Variants in FBXO15 observed in about 807,000 individuals in gnomAD.
FBXO15 encodes F-box only protein 15.
In FBXO15, 30 loss-of-function variants were observed where a neutral mutation model predicts 49.5. The observed-to-expected ratio is 0.61, with a 90% CI of 0.45 to 0.82. The LOEUF is 0.82. Among genes scored for constraint, FBXO15 ranks in the 40% least tolerant of loss-of-function variants. The probability of loss-of-function intolerance (pLI) is 0.00; values close to 1 mark genes in which losing one functional copy is unlikely to be tolerated. For synonymous variants in FBXO15, 250 were observed against 232.7 expected (o/e 1.07, Z -0.68); for missense variants, 591 against 631.5 (o/e 0.94, Z 0.69).
chr18:74,082,536 G>A (rs1188989048), intron 8 of FBXO15, among the ~76,000 whole-genome samples: 1 of 152,232 alleles, frequency 6.6e-6, no homozygotes, highest in African/African-American at 2.4e-5. Flanking sequence ...GCTTGTAACT[G>A]AGTGAGAGTC....
chr18:74,081,802 C>G, intron 9 of FBXO15, 125 bp downstream of exon 9: 1 of 721,880 alleles, frequency 1.4e-6, no homozygotes, highest in Non-Finnish European at 2.0e-6. Context: ...GAAACCAGAA[C>G]AATAAATCCA....
chr18:74,129,510 A>T lies in FBXO15; in HGVS notation c.680T>A (p.Ile227Lys), dbSNP rs1014279955. ...LSINDTSVTV[I>K]WYGKKWPCLA... is the part of the protein sequence containing the mutation. ...GCATGGCCATTTTTTGCCATACCATATAACAGTAACTGATGTGTCATTTAT... is the reference window on the plus strand; with the variant it reads ...GCATGGCCATTTTTTGCCATACCATTTAACAGTAACTGATGTGTCATTTAT... Residue 227 changes from isoleucine (I) to lysine (K), a missense_variant, in exon 5 of 10, where the codon ATA becomes AAA. Physicochemically the swap from Ile to Lys is moderately radical, Grantham distance 102 (BLOSUM62 -3). Transcript: ENST00000419743. 1 of 1,613,988 alleles carries T rather than the reference A, an allele frequency of 6.2e-7. No homozygotes were observed. Among genetic ancestry groups the T allele is most frequent in the Non-Finnish European group, 8.5e-7 (1 of 1,179,966 alleles).
chr18:74,096,431 C>A (rs1313418255), intron 8 of FBXO15, among the ~76,000 whole-genome samples: 1 of 151,930 alleles, frequency 6.6e-6, no homozygotes, highest in Admixed American at 6.6e-5. Flanking sequence ...TTAGTTACTA[C>A]AGCCAAGGTG....
chr18:74,130,385 C>A (rs747958710), intron 4 of FBXO15, 31 bp downstream of exon 4: 1 of 1,611,526 alleles, frequency 6.2e-7, no homozygotes, highest in South Asian at 1.1e-5. Context: ...TGAGCTGATG[C>A]CATCATTCTC....
chr18:74,117,815 G>C (rs896242870), intron 8 of FBXO15, among the ~76,000 whole-genome samples: 1 of 152,118 alleles, frequency 6.6e-6, no homozygotes, highest in African/African-American at 2.4e-5. Flanking sequence ...TATGAGGAAT[G>C]CAAACATAAA....
chr18:74,131,217 C>T (rs1277443732), intron 3 of FBXO15, among the ~76,000 whole-genome samples: 1 of 152,146 alleles, frequency 6.6e-6, no homozygotes. Context: ...TAAATTTTGT[C>T]AACACTTACT....
At chr18:74,137,721 G>A (rs568574412) in intron 2 of FBXO15, among the ~76,000 whole-genome samples, 1 of 152,306 alleles carries the variant, frequency 6.6e-6, no homozygotes, top group African/African-American at 2.4e-5. Context: ...GTGGGGTAAG[G>A]AGACAGGATG....
At chr18:74,100,144 C>T (rs1913447528) in intron 8 of FBXO15, 1 of 152,088 alleles carries the variant, frequency 6.6e-6, no homozygotes, top group African/African-American at 2.4e-5. Context: ...GAACTTTCTC[C>T]AAGATAGGCC....
chr18:74,080,425 G>C (rs1912439594), intron 9 of FBXO15, among the ~76,000 whole-genome samples: 3 of 152,240 alleles, frequency 2.0e-5, no homozygotes, highest in African/African-American at 7.2e-5. Context: ...GCCCATCTGA[G>C]AGAAGGAATT....
intron 8 of FBXO15, chr18:74,122,856 G>A (rs1209277458): frequency 6.6e-6 from 1 of 152,344 alleles, no homozygotes; most frequent in Non-Finnish European, 1.5e-5. Flanking sequence ...GTGAGAATGG[G>A]GCATTCTCCA....
At chr18:74,120,386 C>T (rs548290262) in intron 8 of FBXO15, among the ~76,000 whole-genome samples, 4 of 152,310 alleles carry the variant, frequency 2.6e-5, no homozygotes, top group South Asian at 4.1e-4. Flanking sequence ...CTCAAGTACA[C>T]ATGGAACATA....
At chr18:74,140,635 G>A (rs1979015923) in intron 1 of FBXO15, 1 of 247,150 alleles carries the variant, frequency 4.0e-6, no homozygotes, top group South Asian at 6.7e-5. Flanking sequence ...AGACCTTGAT[G>A]GTAAGGAAGG....
intron 5 of FBXO15, among the ~76,000 whole-genome samples, chr18:74,129,013 AATAACTCATAAT>A (rs150648266): frequency 0.049 from 7,537 of 152,276 alleles, 258 homozygotes; most frequent in Middle Eastern, 0.12. Flanking sequence ...AGGCAGACAA[AATAACTCATAAT>A]TATGACTTGG....
intron 8 of FBXO15, chr18:74,098,247 A>G (rs1255657378): frequency 6.6e-6 from 1 of 152,224 alleles, no homozygotes; most frequent in Non-Finnish European, 1.5e-5. Flanking sequence ...GCTTACCAGC[A>G]ATAAATCCAA....
At chr18:74,143,170 ATTG>A (rs1979191000) in intron 1 of FBXO15, among the ~76,000 whole-genome samples, 1 of 152,186 alleles carries the variant, frequency 6.6e-6, no homozygotes, top group South Asian at 2.1e-4. Context: ...CATAAATATT[ATTG>A]TAGTTCATCA....
intron 3 of FBXO15, among the ~76,000 whole-genome samples, chr18:74,132,976 G>A (rs1335597439): frequency 6.6e-6 from 1 of 152,204 alleles, no homozygotes; most frequent in African/African-American, 2.4e-5. Context: ...CTGCCCATAA[G>A]TCATCAGTGT....
At chr18:74,107,205 AAAC>A (rs548159872) in intron 8 of FBXO15, among the ~76,000 whole-genome samples, 10 of 151,088 alleles carry the variant, frequency 6.6e-5, no homozygotes, top group Non-Finnish European at 1.2e-4. Context: ...AAAAAAAAAA[AAAC>A]AACAAATTCT....
rs1573484 is a variant in FBXO15, at chr18:74,075,229, A to G, written c.1264-1499T>C. On this transcript the variant is annotated intron_variant, in intron 9 of 9. Transcript: ENST00000419743. The surrounding 1 kb of genome is among the most constrained non-coding windows in gnomAD (Gnocchi z 4.1). ...TGCTAGGAGGGTGATCTCTGCAGAG[A>G]ACCTCGGCCTTCACAGACAGGGGAG... Among the ~76,000 whole-genome samples the G allele has an allele frequency of 0.26, 40,143 of 152,024 alleles. 7,807 individuals carry two copies. Among genetic ancestry groups the G allele is most frequent in the African/African-American group, 0.54 (22,251 of 41,434 alleles).
At chr18:74,093,789 T>A (rs770479627) in intron 8 of FBXO15, among the ~76,000 whole-genome samples, 4 of 152,208 alleles carry the variant, frequency 2.6e-5, no homozygotes, top group Non-Finnish European at 2.9e-5. Context: ...ATGTTGATAT[T>A]TTGACCTCCT....
Sources: gnomAD v4.1 joint callset for allele counts (sites outside exome capture counted in the v4.1 genomes callset) on GRCh38, gnomAD v4.1.1 for gene constraint, Gnocchi (gnomAD v3.1) non-coding constraint, MANE v1.5 for transcripts, NCBI Gene and HGNC (gene_info 2026-07-23, HGNC 2026-07-21) for gene names.